Variants in SLC5A11 observed in about 807,000 individuals in gnomAD.
SLC5A11 encodes the protein solute carrier family 5 member 11.
Under a neutral mutation model 69.8 loss-of-function variants are expected in SLC5A11, and 48 were observed. The ratio of observed to expected loss-of-function variants is 0.69; its 90% CI spans 0.55 to 0.87. The LOEUF (loss-of-function observed/expected upper bound fraction) is 0.87. Among genes scored for constraint, SLC5A11 ranks in the 40% least tolerant of loss-of-function variants. SLC5A11 has a pLI of 0.00. For synonymous variants in SLC5A11, 319 were observed against 342.4 expected (o/e 0.93, Z 0.75); for missense variants, 784 against 866.1 (o/e 0.91, Z 1.19).
chr16:24,861,816 A>AAGAG (rs1316892802), intron 2 of SLC5A11, among the ~76,000 whole-genome samples: 2 of 149,414 alleles, frequency 1.3e-5, no homozygotes, highest in African/African-American at 5.0e-5. Flanking sequence ...AGAAAAAAGA[A>AAGAG]AGAAAAAATT....
chr16:24,848,414 G>A (rs775593350), intron 1 of SLC5A11, among the ~76,000 whole-genome samples: 27 of 152,188 alleles, frequency 1.8e-4, no homozygotes, highest in East Asian at 5.8e-4. Context: ...TTTGAGACCC[G>A]TCTGGGCAAC....
chr16:24,860,838 TAGGACTAC>T (rs2059737456), intron 2 of SLC5A11, among the ~76,000 whole-genome samples: 1 of 152,142 alleles, frequency 6.6e-6, no homozygotes, highest in Non-Finnish European at 1.5e-5. Flanking sequence ...CCCTAGTAGC[TAGGACTAC>T]AGGCATCCGT....
intron 4 of SLC5A11, 87 bp from the exon 6 acceptor site, chr16:24,872,073 C>T (rs2047338916): frequency 6.7e-7 from 1 of 1,492,634 alleles, no homozygotes; most frequent in South Asian, 1.1e-5. Flanking sequence ...GAGTTCAGGC[C>T]AGGCTGCCTC....
At chr16:24,902,343 A>G (rs1312303847) in intron 10 of SLC5A11, among the ~76,000 whole-genome samples, 1 of 152,058 alleles carries the variant, frequency 6.6e-6, no homozygotes, top group East Asian at 1.9e-4. Flanking sequence ...AAAAAAAGGA[A>G]TCCAGGATCA....
At position 24,908,146 on chromosome 16, in the gene SLC5A11, C is replaced by T. The variant is rs777421344; in HGVS notation, c.1434+15C>T. ...CCAATGAAAAGGTAGCTCTGGATGG[C>T]TCCCACTATGCCAGAACCAAGTGCT... On this transcript the variant is annotated intron_variant, in intron 13 of 15. Transcript: ENST00000347898. 3 of 1,564,422 alleles carry T rather than the reference C, an allele frequency of 1.9e-6. No homozygotes were observed. The highest frequency in any genetic ancestry group is 1.4e-5 in the African/African-American group (1 of 73,366).
chr16:24,873,251 A>AAGGAAGGAAGGAAGGG (rs2047439669), intron 5 of SLC5A11, among the ~76,000 whole-genome samples: 1 of 66,136 alleles, frequency 1.5e-5, no homozygotes, highest in African/African-American at 6.1e-5. Flanking sequence ...GGGAGGGAGG[A>AAGGAAGGAAGGAAGGG]AGGAAGGAAG....
chr16:24,886,727 T>A (rs1427197259), intron 8 of SLC5A11, among the ~76,000 whole-genome samples: 1 of 152,062 alleles, frequency 6.6e-6, no homozygotes, highest in East Asian at 1.9e-4. Flanking sequence ...GGTGGGAAGA[T>A]CATTTGAGGC....
At chr16:24,868,992 T>C (rs1410819444) in intron 3 of SLC5A11, among the ~76,000 whole-genome samples, 1 of 151,722 alleles carries the variant, frequency 6.6e-6, no homozygotes. Context: ...CTCAGCCTCC[T>C]GAATAGCTGG....
chr16:24,901,962 A>G (rs201983766), intron 10 of SLC5A11, among the ~76,000 whole-genome samples: 14,706 of 125,426 alleles, frequency 0.12, 944 homozygotes, highest in Admixed American at 0.22. Flanking sequence ...ACACACGCAC[A>G]CACACACACA....
chr16:24,869,322 C>T (rs1187872758), intron 3 of SLC5A11, among the ~76,000 whole-genome samples: 2 of 152,148 alleles, frequency 1.3e-5, no homozygotes, highest in African/African-American at 2.4e-5. Flanking sequence ...CCCGCAGAGA[C>T]GGTGTCCCCG....
chr16:24,882,677 G>A (rs771440542), intron 7 of SLC5A11, among the ~76,000 whole-genome samples: 7 of 152,224 alleles, frequency 4.6e-5, no homozygotes, highest in South Asian at 2.1e-4. Flanking sequence ...ATGGAGTCTC[G>A]CTCTGTTGCC....
At chr16:24,910,600 T>C (rs1210638072) in intron 15 of SLC5A11, 123 bp downstream of exon 16, 3 of 1,081,848 alleles carry the variant, frequency 2.8e-6, no homozygotes, top group East Asian at 2.6e-5. Flanking sequence ...TAGCATCCTC[T>C]GGCTCCAGTG....
At chr16:24,911,198 G>T in intron 15 of SLC5A11, 130 bp from the exon 17 acceptor site, 9 of 716,432 alleles carry the variant, frequency 1.3e-5, no homozygotes, top group Non-Finnish European at 1.9e-5. Flanking sequence ...GGAGATTTCA[G>T]TCGGGCATAG....
chr16:24,849,593 A>AAAAAT, intron 1 of SLC5A11, among the ~76,000 whole-genome samples: 5 of 35,910 alleles, frequency 1.4e-4, no homozygotes, highest in Admixed American at 3.8e-4. Context: ...AAAAAAAAAA[A>AAAAAT]ATATATATAT....
intron 14 of SLC5A11, 76 bp downstream of exon 15, chr16:24,909,172 A>G: frequency 6.8e-7 from 1 of 1,472,500 alleles, no homozygotes; most frequent in Non-Finnish European, 9.4e-7. Flanking sequence ...AACTGACTTA[A>G]GCGAAGGAGA....
At chr16:24,893,665 G>A (rs1022885814) in intron 9 of SLC5A11, among the ~76,000 whole-genome samples, 1 of 152,050 alleles carries the variant, frequency 6.6e-6, no homozygotes, top group African/African-American at 2.4e-5. Context: ...CTGCCTCCTG[G>A]GTTCCGGCAA....
chr16:24,904,148 C>T lies in SLC5A11; in HGVS notation c.1007-2509C>T, dbSNP rs116227829. ...ACAAGGGGGAACCACCCCCATGATC[C>T]GATCACCTCCCTCCCTCGACATGGG... is the stretch of plus-strand genomic sequence containing the variant. On this transcript the variant is annotated intron_variant, in intron 10 of 15. Transcript: ENST00000347898. Among the ~76,000 whole-genome samples, 1,150 of 152,294 alleles carry T rather than the reference C, an allele frequency of 7.6e-3. 16 individuals are homozygous for T. The highest frequency in any genetic ancestry group is 0.026 in the African/African-American group (1,098 of 41,564).
chr16:24,851,644 G>A (rs1384979389), intron 1 of SLC5A11, among the ~76,000 whole-genome samples: 2 of 152,212 alleles, frequency 1.3e-5, no homozygotes, highest in African/African-American at 4.8e-5. Flanking sequence ...TTATAAAATG[G>A]ACGGGGAACA....
chr16:24,879,059 G>A (rs1405438264), intron 7 of SLC5A11, among the ~76,000 whole-genome samples: 1 of 151,988 alleles, frequency 6.6e-6, no homozygotes, highest in African/African-American at 2.4e-5. Context: ...AAATATGTCA[G>A]TGTATATTAT....
Sources: gnomAD v4.1 joint callset for allele counts (sites outside exome capture counted in the v4.1 genomes callset) on GRCh38, gnomAD v4.1.1 for gene constraint, MANE v1.5 for transcripts, NCBI Gene and HGNC (gene_info 2026-07-23, HGNC 2026-07-21) for gene names.